Variants in ABCG1 observed in about 807,000 individuals in gnomAD.
The protein encoded by ABCG1 is ATP-binding cassette sub-family G member 1.
In ABCG1, 29 loss-of-function variants were observed where a neutral mutation model predicts 69.2. The ratio of observed to expected loss-of-function variants is 0.42; its 90% CI spans 0.31 to 0.57. The LOEUF is 0.57. Among genes scored for constraint, ABCG1 ranks in the 20% least tolerant of loss-of-function variants. ABCG1 has a pLI of 0.15. For synonymous variants in ABCG1, 370 were observed against 374.8 expected (o/e 0.99, Z 0.15); for missense variants, 718 against 898.1 (o/e 0.80, Z 2.56).
intron 2 of ABCG1, among the ~76,000 whole-genome samples, chr21:42,206,448 T>C (rs2067543433): frequency 6.6e-6 from 1 of 152,248 alleles, no homozygotes; most frequent in South Asian, 2.1e-4. Context: ...TGAGGTTTGC[T>C]CTGTGGCCCA....
chr21:42,225,849 C>A lies in ABCG1; in HGVS notation c.221C>A (p.Ala74Asp), dbSNP rs1447034976. The change falls in exon 2 of 15, where the codon GCT becomes GAT. Residue 74 changes from alanine (A) to aspartate (D), a missense_variant. By Grantham distance (126) the Ala-to-Asp change is moderately radical. This residue lies in a region of ABCG1 where 514 missense variants were observed against 574.3 expected (regional missense o/e 0.90). Transcript: ENST00000398449. ...QRFSSLPRRA[A>D]VNIEFRDLSY... ...TTCTCCTCCTTGCCTCGGAGGGCAGCTGTGAACATTGAATTCAGGGACCTT... is the reference window on the plus strand; with the variant it reads ...TTCTCCTCCTTGCCTCGGAGGGCAGATGTGAACATTGAATTCAGGGACCTT... 6.2e-7 allele frequency: 1 copy of A among 1,614,024 alleles called. No homozygotes were observed. Among genetic ancestry groups the A allele is most frequent in the East Asian group, 2.2e-5 (1 of 44,862 alleles).
chr21:42,268,924 A>C (rs1014086964), intron 2 of ABCG1, among the ~76,000 whole-genome samples: 5 of 152,122 alleles, frequency 3.3e-5, no homozygotes, highest in Admixed American at 1.3e-4. Flanking sequence ...TGCCCCAGTG[A>C]GCCCCAGCAC....
intron 2 of ABCG1, among the ~76,000 whole-genome samples, chr21:42,264,310 C>T (rs2068464298): frequency 2.6e-5 from 4 of 152,194 alleles, no homozygotes; most frequent in Non-Finnish European, 2.9e-5. Flanking sequence ...CTTTAGTATT[C>T]ACTTAATTTT....
At chr21:42,265,928 C>T (rs2068497377) in intron 2 of ABCG1, among the ~76,000 whole-genome samples, 1 of 152,180 alleles carries the variant, frequency 6.6e-6, no homozygotes, top group Non-Finnish European at 1.5e-5. Context: ...ATAGGCCTCC[C>T]CTTCCTGGAC....
intron 2 of ABCG1, among the ~76,000 whole-genome samples, chr21:42,242,841 C>T (rs560318230): frequency 3.3e-5 from 5 of 152,258 alleles, no homozygotes; most frequent in African/African-American, 1.2e-4. Context: ...TCCACCATGG[C>T]CCTGAGGGCT....
At chr21:42,243,678 G>GT (rs1372742436) in intron 2 of ABCG1, among the ~76,000 whole-genome samples, 2 of 152,142 alleles carry the variant, frequency 1.3e-5, no homozygotes, top group Non-Finnish European at 2.9e-5. Flanking sequence ...GAGGATTGGC[G>GT]TGAGAGTGGA....
At chr21:42,294,418 C>A in intron 13 of ABCG1, 124 bp from the exon 14 acceptor site, 1 of 751,150 alleles carries the variant, frequency 1.3e-6, no homozygotes, top group African/African-American at 1.7e-5. Flanking sequence ...CATTAAGCAT[C>A]ATCATTACCC....
At chr21:42,262,255 GT>G (rs1387659200) in intron 2 of ABCG1, among the ~76,000 whole-genome samples, 1 of 152,152 alleles carries the variant, frequency 6.6e-6, no homozygotes, top group Non-Finnish European at 1.5e-5. Flanking sequence ...TGAGTCCTCC[GT>G]AAGGGACAGG....
intron 5 of ABCG1, among the ~76,000 whole-genome samples, chr21:42,278,270 A>G (rs1389919699): frequency 3.3e-5 from 5 of 152,122 alleles, no homozygotes; most frequent in South Asian, 4.2e-4. Flanking sequence ...TGTTTTCTAA[A>G]CAATGTAACG....
chr21:42,270,111 T>G (rs955734669), intron 2 of ABCG1, among the ~76,000 whole-genome samples: 2 of 151,980 alleles, frequency 1.3e-5, no homozygotes, highest in African/African-American at 4.8e-5. Flanking sequence ...ATACAAAAAA[T>G]TAGCCAGGCA....
At chr21:42,200,361 T>C (rs1601323816) in intron 1 of ABCG1, among the ~76,000 whole-genome samples, 1 of 152,022 alleles carries the variant, frequency 6.6e-6, no homozygotes, top group Non-Finnish European at 1.5e-5. Context: ...CTTCCCAGCC[T>C]CCCCCTCTCA....
chr21:42,277,065 C>A, intron 5 of ABCG1, 120 bp downstream of exon 5: 1 of 1,096,342 alleles, frequency 9.1e-7, no homozygotes, highest in East Asian at 2.4e-5. Flanking sequence ...TTTGCCTTGC[C>A]TTCCGTGTGT....
chr21:42,222,928 C>T (rs2067752349), intron 1 of ABCG1, among the ~76,000 whole-genome samples: 2 of 152,200 alleles, frequency 1.3e-5, no homozygotes, highest in Non-Finnish European at 1.5e-5. Flanking sequence ...TCCTTCACCC[C>T]CACTACCAAC....
intron 2 of ABCG1, among the ~76,000 whole-genome samples, chr21:42,267,654 G>T: frequency 6.7e-6 from 1 of 150,200 alleles, no homozygotes; most frequent in East Asian, 2.0e-4. Flanking sequence ...GTTCTGTCTG[G>T]GTCTGGTCTG....
In ABCG1 at chr21:42,274,438, G is replaced by A. The variant is rs141828539; in HGVS notation, c.537+1003G>A. On this transcript the variant is annotated intron_variant, in intron 4 of 14. Coordinates refer to ENST00000398449, the MANE Select transcript of ABCG1 (RefSeq NM_016818.3). Reference sequence around the variant, plus strand: ...TGGTTGTGCTCCTTGGACAGACCGCGACCCAGCCAAGTGCCATGCATCTGG... The same window carrying A: ...TGGTTGTGCTCCTTGGACAGACCGCAACCCAGCCAAGTGCCATGCATCTGG... Among the ~76,000 whole-genome samples the A allele has an allele frequency of 5.8e-3, 872 of 150,336 alleles. 8 individuals are homozygous for A. Among genetic ancestry groups the A allele is most frequent in the African/African-American group, 0.02 (815 of 40,582 alleles).
At chr21:42,294,992 C>A (rs1419329166) in intron 14 of ABCG1, 6 of 302,238 alleles carry the variant, frequency 2.0e-5, no homozygotes, top group Non-Finnish European at 2.6e-5. Flanking sequence ...GTGCCGAGTG[C>A]TCCTAACAAG....
Position 42,280,663 on chromosome 21 carries a change from G to A in ABCG1, c.589-1611G>A, listed in dbSNP as rs527576132. Among the ~76,000 whole-genome samples, 10 of 152,350 alleles carry A rather than the reference G, an allele frequency of 6.6e-5. No homozygotes were observed. The South Asian group carries it at 1.2e-3, about 19-fold the overall frequency. On this transcript the variant is annotated intron_variant, in intron 5 of 14. Coordinates refer to ENST00000398449, the MANE Select transcript of ABCG1 (RefSeq NM_016818.3). ...GGGTGGGCCCAGCTCATGGGCAGGG[G>A]TGCGGAGGGAAAGGCACCCACAGCG...
At chr21:42,220,035 GAC>G (rs774014841) in intron 1 of ABCG1, 14 of 1,552,538 alleles carry the variant, frequency 9.0e-6, no homozygotes, top group African/African-American at 4.1e-5. Context: ...TTCACTGCTG[GAC>G]ACAGTTACTG....
intron 2 of ABCG1, among the ~76,000 whole-genome samples, chr21:42,261,113 A>G (rs931556000): frequency 4.0e-5 from 6 of 151,852 alleles, no homozygotes; most frequent in Non-Finnish European, 5.9e-5. Flanking sequence ...GAGTCACCGT[A>G]CCCGGCCCCT....
Sources: allele counts gnomAD v4.1 joint callset (sites outside exome capture counted in the v4.1 genomes callset), GRCh38; gene constraint gnomAD v4.1.1; regional missense constraint gnomAD v4.1.1; transcripts MANE v1.5; gene names NCBI Gene and HGNC (gene_info 2026-07-23, HGNC 2026-07-21).